The following APBA1 variants were observed in gnomAD, a reference collection of about 807,000 sequenced individuals.
The protein encoded by APBA1 is amyloid beta precursor protein binding family A member 1, also known as amyloid-beta A4 precursor protein-binding family A member 1.
Under a neutral mutation model 86.6 loss-of-function variants are expected in APBA1, and 55 were observed. The ratio of observed to expected loss-of-function variants is 0.64; its 90% CI spans 0.51 to 0.80. The LOEUF is 0.80. Ranked by LOEUF, APBA1 falls within the 30% of genes least tolerant of loss-of-function variation. The pLI is 0.00. For synonymous variants in APBA1, 511 were observed against 493.9 expected, an observed-to-expected ratio of 1.03 and a Z score of -0.46; for missense variants, 1,090 against 1,183.0, an observed-to-expected ratio of 0.92 and a Z score of 1.15.
rs1822770649 is a variant in APBA1 at position 69,619,500 on chromosome 9, C to T, written c.-70+52653G>A. Among the ~76,000 whole-genome samples the T allele has an allele frequency of 2.0e-5, 3 of 152,354 alleles. No individual in the cohort carries two copies. The South Asian group carries it at 6.2e-4, about 32-fold the overall frequency. ...ACAAATGAATCTCTCTCCTGCTTAT[C>T]TCACATGGGTGTTTTAAAACTCAAA... On this transcript the variant is annotated intron_variant, in intron 1 of 12. Coordinates refer to ENST00000265381, the MANE Select transcript of APBA1 (RefSeq NM_001163.4).
At chr9:69,578,197 G>A (rs939031516) in intron 1 of APBA1, among the ~76,000 whole-genome samples, 3 of 152,234 alleles carry the variant, frequency 2.0e-5, no homozygotes, top group African/African-American at 7.2e-5. Context: ...AGCATGAGAA[G>A]CAGACTCCAG....
At chr9:69,493,897 G>T (rs749114557) in intron 2 of APBA1, among the ~76,000 whole-genome samples, 3 of 152,044 alleles carry the variant, frequency 2.0e-5, no homozygotes, top group Admixed American at 6.5e-5. Flanking sequence ...AATGTACATT[G>T]TTTCCCTCAC....
At chr9:69,435,430 A>G (rs1291757756) in intron 11 of APBA1, among the ~76,000 whole-genome samples, 5 of 151,990 alleles carry the variant, frequency 3.3e-5, no homozygotes, top group South Asian at 2.1e-4. Context: ...AAGTGTTCGT[A>G]TTTCTCCACA....
At chr9:69,513,452 G>A (rs1009411610) in intron 2 of APBA1, among the ~76,000 whole-genome samples, 2 of 152,178 alleles carry the variant, frequency 1.3e-5, no homozygotes, top group African/African-American at 4.8e-5. Context: ...TGGCTTTCCA[G>A]GTTTCTAAAA....
At chr9:69,434,377 C>G (rs1259887812) in intron 11 of APBA1, among the ~76,000 whole-genome samples, 3 of 151,928 alleles carry the variant, frequency 2.0e-5, no homozygotes, top group African/African-American at 7.3e-5. Flanking sequence ...CACTCATACT[C>G]TTTCTTGATG....
intron 1 of APBA1, among the ~76,000 whole-genome samples, chr9:69,637,575 T>C (rs1282968022): frequency 6.6e-6 from 1 of 152,182 alleles, no homozygotes; most frequent in African/African-American, 2.4e-5. Context: ...GGATAAACCA[T>C]TGGCTCAAAT....
intron 1 of APBA1, among the ~76,000 whole-genome samples, chr9:69,600,104 G>T (rs1355913286): frequency 6.6e-6 from 1 of 152,150 alleles, no homozygotes; most frequent in East Asian, 1.9e-4. Flanking sequence ...CCCTGGTAAT[G>T]ACCAGGAAGA....
At chr9:69,603,842 G>C (rs999601199) in intron 1 of APBA1, among the ~76,000 whole-genome samples, 1 of 152,210 alleles carries the variant, frequency 6.6e-6, no homozygotes, top group African/African-American at 2.4e-5. Flanking sequence ...AATGGGAATA[G>C]ACGGACGGTC....
At chr9:69,564,686 A>C (rs1355582630) in intron 1 of APBA1, among the ~76,000 whole-genome samples, 1 of 152,244 alleles carries the variant, frequency 6.6e-6, no homozygotes, top group Admixed American at 6.5e-5. Flanking sequence ...AGTGTTGGCA[A>C]GGCTGTGGAG....
chr9:69,523,780 T>C (rs933959688), intron 1 of APBA1, among the ~76,000 whole-genome samples: 6 of 151,820 alleles, frequency 4.0e-5, no homozygotes, highest in African/African-American at 1.2e-4. Context: ...TACATTCTTC[T>C]CAACTGCATG....
chr9:69,616,783 G>A (rs1354040191), intron 1 of APBA1, among the ~76,000 whole-genome samples: 1 of 152,158 alleles, frequency 6.6e-6, no homozygotes, highest in African/African-American at 2.4e-5. Flanking sequence ...TTGCAGCACT[G>A]AGGGAAAATC....
intron 2 of APBA1, among the ~76,000 whole-genome samples, chr9:69,510,255 C>T (rs1836009937): frequency 1.3e-5 from 2 of 151,902 alleles, no homozygotes; most frequent in African/African-American, 4.8e-5. Context: ...ATAAAAATCA[C>T]AAGCATTCTT....
At chr9:69,515,844 T>C (rs1468615963) in intron 2 of APBA1, among the ~76,000 whole-genome samples, 167 bp downstream of exon 2, 2 of 152,142 alleles carry the variant, frequency 1.3e-5, no homozygotes, top group Non-Finnish European at 2.9e-5. Context: ...CGCTGGCGTT[T>C]GACAGTTTAG....
chr9:69,496,212 A>G (rs1269841270), intron 2 of APBA1, among the ~76,000 whole-genome samples: 2 of 152,124 alleles, frequency 1.3e-5, no homozygotes, highest in East Asian at 3.9e-4. Flanking sequence ...AGACGCCCCC[A>G]GAGCTAATCA....
chr9:69,487,140 C>T (rs1835624713), intron 2 of APBA1, among the ~76,000 whole-genome samples: 2 of 152,004 alleles, frequency 1.3e-5, no homozygotes, highest in African/African-American at 4.8e-5. Flanking sequence ...TCTAGAAAGG[C>T]CTGAGGACTG....
chr9:69,582,363 T>C (rs1193308405), intron 1 of APBA1, among the ~76,000 whole-genome samples: 1 of 152,186 alleles, frequency 6.6e-6, no homozygotes, highest in Non-Finnish European at 1.5e-5. Context: ...TACCTGCTTC[T>C]ACTGCGGGAC....
intron 1 of APBA1, among the ~76,000 whole-genome samples, chr9:69,566,269 C>A (rs1837025226): frequency 6.6e-6 from 1 of 152,208 alleles, no homozygotes; most frequent in Non-Finnish European, 1.5e-5. Context: ...GATTGCCTCC[C>A]ATGCCCTGGT....
intron 1 of APBA1, among the ~76,000 whole-genome samples, chr9:69,613,626 C>T (rs925849055): frequency 1.8e-4 from 28 of 152,134 alleles, no homozygotes; most frequent in African/African-American, 6.5e-4. Context: ...CTAGCTCTAA[C>T]TCTGTTGACA....
intron 1 of APBA1, among the ~76,000 whole-genome samples, chr9:69,543,554 C>G (rs553769564): frequency 6.6e-6 from 1 of 152,124 alleles, no homozygotes; most frequent in Non-Finnish European, 1.5e-5. Flanking sequence ...GAAGGTCATG[C>G]CAGTCAAAAG....
Sources: gnomAD v4.1 joint callset for allele counts (sites outside exome capture counted in the v4.1 genomes callset) on GRCh38, gnomAD v4.1.1 for gene constraint, MANE v1.5 for transcripts, NCBI Gene and HGNC (gene_info 2026-07-23, HGNC 2026-07-21) for gene names.